The following NHERF2 variants were observed in gnomAD, a reference collection of about 807,000 sequenced individuals.
The protein encoded by NHERF2 is Na(+)/H(+) exchange regulatory cofactor NHE-RF2.
the NHERF2 span, chr16:2,029,594 A>G: frequency 6.3e-7 from 1 of 1,576,242 alleles, no homozygotes; most frequent in South Asian, 1.2e-5. Context: ...GGTGCAAAGG[A>G]TCAAGGCTGT....
At chr16:2,037,528 G>A in the NHERF2 span, 1 of 1,608,712 alleles carries the variant, frequency 6.2e-7, no homozygotes, top group Non-Finnish European at 8.5e-7. Context: ...ATCTGCCCTT[G>A]GTTTCCCAGC....
At chr16:2,033,080 G>A in the NHERF2 span, 1 of 985,360 alleles carries the variant, frequency 1.0e-6, no homozygotes, top group Non-Finnish European at 1.2e-6. Context: ...CTGGGTCCTG[G>A]GGCAGGGCAG....
chr16:2,032,019 T>C, the NHERF2 span, among the ~76,000 whole-genome samples: 2 of 145,918 alleles, frequency 1.4e-5, no homozygotes, highest in East Asian at 1.9e-4. This position sits in a 1 kb window ranked among gnomAD's most constrained non-coding sequence, Gnocchi z 4.0. Context: ...CATTTCTTTC[T>C]TTCTTTTTTT....
At chr16:2,031,233 C>T in the NHERF2 span, among the ~76,000 whole-genome samples, 1 of 152,226 alleles carries the variant, frequency 6.6e-6, no homozygotes, top group South Asian at 2.1e-4. Context: ...CGTTTTGTTC[C>T]TGGGGCTTGA....
At chr16:2,038,108 C>T in the NHERF2 span, 2 of 1,272,214 alleles carry the variant, frequency 1.6e-6, no homozygotes, top group Non-Finnish European at 2.2e-6. Context: ...CAGAAATCAG[C>T]CCCAGCCCCG....
the NHERF2 span, chr16:2,036,842 A>G: frequency 1.2e-6 from 2 of 1,612,614 alleles, no homozygotes; most frequent in Non-Finnish European, 1.7e-6. Context: ...TGAACACTTC[A>G]AGCGGCTTCG....
At chr16:2,027,246 G>C in the NHERF2 span, 1 of 1,244,168 alleles carries the variant, frequency 8.0e-7, no homozygotes, top group Non-Finnish European at 1.0e-6. Flanking sequence ...CCCCCGGCCC[G>C]CCGCCCCCTC....
chr16:2,033,578 C>G, the NHERF2 span: 2 of 881,070 alleles, frequency 2.3e-6, no homozygotes, highest in East Asian at 5.5e-5. Context: ...AGGGCTGGTG[C>G]GTCACCATCT....
chr16:2,037,470 G>T, the NHERF2 span: 2 of 1,340,814 alleles, frequency 1.5e-6, no homozygotes, highest in Non-Finnish European at 2.1e-6. Context: ...GTGTGCCTCT[G>T]TGCACATGTG....
the NHERF2 span, chr16:2,033,227 C>T: frequency 6.6e-7 from 1 of 1,504,930 alleles, no homozygotes; most frequent in Non-Finnish European, 8.9e-7. Flanking sequence ...CCCACGTCCC[C>T]ACCCATCCCC....
chr16:2,035,331 T>A, the NHERF2 span: 3 of 904,354 alleles, frequency 3.3e-6, no homozygotes, highest in East Asian at 3.6e-4. Flanking sequence ...GTTGGGGGTG[T>A]CTGAGGCCTG....
At chr16:2,033,471 C>G in the NHERF2 span, 27 of 1,496,432 alleles carry the variant, frequency 1.8e-5, no homozygotes, top group Non-Finnish European at 2.3e-5. Context: ...TAGGAGGAAC[C>G]GGCAGCCGCT....
the NHERF2 span, chr16:2,036,333 G>T: frequency 1.2e-6 from 2 of 1,607,636 alleles, no homozygotes; most frequent in East Asian, 2.2e-5. Flanking sequence ...GGATGTCAGT[G>T]GGCCCCTGAG....
chr16:2,033,049 CTCCT>C, the NHERF2 span: 1 of 1,282,902 alleles, frequency 7.8e-7, no homozygotes. Context: ...GGGGCCGGGA[CTCCT>C]CCCTGTCCCC....
At chr16:2,037,535 C>T in the NHERF2 span, 3 of 1,610,068 alleles carry the variant, frequency 1.9e-6, no homozygotes, top group Non-Finnish European at 2.5e-6. Context: ...CTTGGTTTCC[C>T]AGCTCAATGG....
At chr16:2,038,237 GAGACAC>G in the NHERF2 span, 1 of 579,920 alleles carries the variant, frequency 1.7e-6, no homozygotes, top group Non-Finnish European at 3.1e-6. Flanking sequence ...GAGAGAGAGA[GAGACAC>G]AGAGAGAGAC....
chr16:2,035,723 C>CG, the NHERF2 span: 4 of 977,526 alleles, frequency 4.1e-6, no homozygotes, highest in South Asian at 4.7e-5. Flanking sequence ...GGGATGGTAG[C>CG]GGGGGGTCCT....
the NHERF2 span, among the ~76,000 whole-genome samples, chr16:2,027,786 G>T: frequency 6.6e-6 from 1 of 152,210 alleles, no homozygotes; most frequent in Non-Finnish European, 1.5e-5. Context: ...GCTGGGCTCT[G>T]TGTGTGTGCA....
chr16:2,037,075 G>A, the NHERF2 span: 5 of 1,499,682 alleles, frequency 3.3e-6, no homozygotes, highest in East Asian at 1.2e-4. Flanking sequence ...CCTTCTCCCT[G>A]GAGATCCGTC....
Sources: allele counts gnomAD v4.1 joint callset (sites outside exome capture counted in the v4.1 genomes callset), GRCh38; gene constraint gnomAD v4.1.1; non-coding constraint Gnocchi (gnomAD v3.1); transcripts MANE v1.5; gene names NCBI Gene and HGNC (gene_info 2026-07-23, HGNC 2026-07-21).